BLTP3B: variants seen among roughly 807,000 people sequenced by gnomAD.
The protein encoded by BLTP3B is UHRF1 (ICBP90) binding protein 1-like.
At chr12:100,140,785 A>T in the BLTP3B span, among the ~76,000 whole-genome samples, 1 of 145,540 alleles carries the variant, frequency 6.9e-6, no homozygotes, top group Non-Finnish European at 1.5e-5. Context: ...CTAAAGACTC[A>T]ATTTTCAATA....
the BLTP3B span, among the ~76,000 whole-genome samples, chr12:100,043,979 T>C: frequency 1.3e-5 from 2 of 152,188 alleles, no homozygotes; most frequent in African/African-American, 4.8e-5. Flanking sequence ...GTATGATTTA[T>C]CTGATTGACT....
chr12:100,115,612 A>C, the BLTP3B span, among the ~76,000 whole-genome samples: 1 of 152,048 alleles, frequency 6.6e-6, no homozygotes, highest in Admixed American at 6.6e-5. Flanking sequence ...TCTACAAAAA[A>C]TTTTTAAATT....
the BLTP3B span, among the ~76,000 whole-genome samples, chr12:100,065,242 C>T: frequency 2.0e-5 from 3 of 151,664 alleles, no homozygotes; most frequent in Non-Finnish European, 2.9e-5. Flanking sequence ...GTGATGAATG[C>T]GTTAACTATA....
At chr12:100,039,658 C>A in the BLTP3B span, 2 of 1,614,056 alleles carry the variant, frequency 1.2e-6, no homozygotes, top group Non-Finnish European at 1.7e-6. Context: ...GGCCAAGGAA[C>A]CCCTGGGCTT....
At chr12:100,073,146 G>A in the BLTP3B span, among the ~76,000 whole-genome samples, 1 of 152,042 alleles carries the variant, frequency 6.6e-6, no homozygotes, top group South Asian at 2.1e-4. Flanking sequence ...ATGGCAGTCA[G>A]GACATAGATC....
At chr12:100,141,925 C>CA in the BLTP3B span, among the ~76,000 whole-genome samples, 1,192 of 141,858 alleles carry the variant, frequency 8.4e-3, 12 homozygotes, top group Middle Eastern at 0.022. Flanking sequence ...GAGCAAAAAC[C>CA]AAAAAAAAAA....
chr12:100,137,755 C>T, the BLTP3B span, among the ~76,000 whole-genome samples: 2 of 152,196 alleles, frequency 1.3e-5, no homozygotes, highest in African/African-American at 4.8e-5. Context: ...AGTAGTCACT[C>T]CTCACCCCCA....
At chr12:100,131,029 G>GAGAGAGAGAA in the BLTP3B span, among the ~76,000 whole-genome samples, 1 of 123,256 alleles carries the variant, frequency 8.1e-6, no homozygotes, top group African/African-American at 3.6e-5. Context: ...GAGAGAGAGA[G>GAGAGAGAGAA]AGAGAAAGAG....
chr12:100,103,898 G>A, the BLTP3B span: 1 of 1,588,094 alleles, frequency 6.3e-7, no homozygotes, highest in Non-Finnish European at 8.6e-7. Context: ...TTTCTAAAGT[G>A]GTTTCAGAAC....
the BLTP3B span, among the ~76,000 whole-genome samples, chr12:100,053,299 G>A: frequency 0.021 from 3,206 of 151,940 alleles, 121 homozygotes; most frequent in African/African-American, 0.073. Flanking sequence ...CAGCTATTCA[G>A]GAGGCTGAGG....
chr12:100,041,644 C>G, the BLTP3B span, among the ~76,000 whole-genome samples: 3 of 151,962 alleles, frequency 2.0e-5, no homozygotes, highest in Non-Finnish European at 4.4e-5. Flanking sequence ...ACCATGTTGG[C>G]CAGGATGGTC....
the BLTP3B span, among the ~76,000 whole-genome samples, chr12:100,080,491 G>C: frequency 1.3e-5 from 2 of 152,108 alleles, no homozygotes; most frequent in Non-Finnish European, 2.9e-5. Context: ...GTGAAACATG[G>C]AGTCAAAGGA....
At chr12:100,058,202 A>G in the BLTP3B span, 1 of 1,613,070 alleles carries the variant, frequency 6.2e-7, no homozygotes, top group East Asian at 2.2e-5. Context: ...TTTGATTACC[A>G]TCACTATCAA....
the BLTP3B span, among the ~76,000 whole-genome samples, chr12:100,062,071 G>A: frequency 7.8e-4 from 119 of 152,316 alleles, no homozygotes; most frequent in African/African-American, 2.8e-3. Context: ...GGAAGACCAT[G>A]TGAAAACAAA....
chr12:100,061,516 G>A, the BLTP3B span, among the ~76,000 whole-genome samples: 1 of 152,066 alleles, frequency 6.6e-6, no homozygotes, highest in Non-Finnish European at 1.5e-5. Context: ...AATTAGCCGG[G>A]CGTGGTGGCG....
the BLTP3B span, among the ~76,000 whole-genome samples, chr12:100,101,075 C>T: frequency 6.6e-6 from 1 of 152,150 alleles, no homozygotes; most frequent in Non-Finnish European, 1.5e-5. Context: ...TTAGTTCTTT[C>T]CGACTCTAGC....
At chr12:100,095,538 T>C in the BLTP3B span, 2 of 982,656 alleles carry the variant, frequency 2.0e-6, no homozygotes, top group Non-Finnish European at 2.9e-6. Flanking sequence ...AGAAGATATC[T>C]AGATAAAGAA....
At chr12:100,058,570 C>T in the BLTP3B span, 7 of 1,612,744 alleles carry the variant, frequency 4.3e-6, no homozygotes, top group South Asian at 6.6e-5. Context: ...AAAAAATCCC[C>T]ATTTTCTGTA....
the BLTP3B span, among the ~76,000 whole-genome samples, chr12:100,130,982 G>GGAGAGAGAGGGAGAGA: frequency 1.6e-5 from 1 of 62,238 alleles, no homozygotes; most frequent in African/African-American, 7.5e-5. Context: ...AGAGAGGGAG[G>GGAGAGAGAGGGAGAGA]GAGAGAGAGA....
Sources: gnomAD v4.1 joint callset for allele counts (sites outside exome capture counted in the v4.1 genomes callset) on GRCh38, gnomAD v4.1.1 for gene constraint, MANE v1.5 for transcripts, NCBI Gene and HGNC (gene_info 2026-07-23, HGNC 2026-07-21) for gene names.